Variants in CATIP observed in about 807,000 individuals in gnomAD.
The protein encoded by CATIP is ciliogenesis associated TTC17 interacting protein, also known as ciliogenesis-associated TTC17-interacting protein.
Under a neutral mutation model 42.5 loss-of-function variants are expected in CATIP, and 40 were observed. The ratio of observed to expected loss-of-function variants is 0.94; its 90% CI spans 0.73 to 1.22. The LOEUF (loss-of-function observed/expected upper bound fraction) is 1.22, where lower values mean the gene tolerates loss of function less well. Ranked by LOEUF, CATIP falls within the 50% of genes most tolerant of loss-of-function variation. The pLI is 0.00. For synonymous variants in CATIP, 222 were observed against 200.2 expected (o/e 1.11, Z -0.92); for missense variants, 489 against 496.0 (o/e 0.99, Z 0.13).
rs761985175 is a variant in CATIP, at chr2:218,367,877, G to A, written c.1077G>A (p.Pro359=). ...EFFGPFDPWR[P]SSPALGSSHR... The stretch of plus-strand genomic sequence containing the variant: ...TCGGCCCCTTCGACCCGTGGCGTCC[G>A]TCGTCACCGGCCTTGGGCTCCTCCC... The change falls in exon 10 of 10, where the codon CCG becomes CCA. Residue 359 remains proline, a synonymous_variant. Coordinates refer to ENST00000289388, the MANE Select transcript of CATIP (RefSeq NM_198559.2). 2.5e-6 allele frequency: 4 copies of A among 1,612,724 alleles called. No homozygotes were observed. Among genetic ancestry groups the A allele is most frequent in the Non-Finnish European group, 3.4e-6 (4 of 1,179,864 alleles).
At chr2:218,363,402 C>T (rs1188275169) in intron 6 of CATIP, among the ~76,000 whole-genome samples, 2 of 149,804 alleles carry the variant, frequency 1.3e-5, no homozygotes, top group East Asian at 2.0e-4. Context: ...AGGAGAATGG[C>T]GTGAACCCGG....
intron 4 of CATIP, among the ~76,000 whole-genome samples, chr2:218,359,781 G>A (rs1197730666): frequency 6.7e-6 from 1 of 149,842 alleles, no homozygotes; most frequent in Non-Finnish European, 1.5e-5. Flanking sequence ...TGTATGAAAG[G>A]TGTTTTTTGG....
At chr2:218,364,867 C>T in intron 7 of CATIP, 115 bp downstream of exon 7, 1 of 1,185,732 alleles carries the variant, frequency 8.4e-7, no homozygotes, top group Non-Finnish European at 1.2e-6. Flanking sequence ...AGGAGTGTCC[C>T]TCCGCTTTAT....
intron 3 of CATIP, 105 bp downstream of exon 3, chr2:218,357,839 TG>T: frequency 1.5e-6 from 2 of 1,335,762 alleles, no homozygotes; most frequent in Non-Finnish European, 2.1e-6. Context: ...GGCTTTGCCT[TG>T]GACCAGGACA....
In CATIP at chr2:218,367,187, C is replaced by T. The variant is rs113129046; in HGVS notation, c.832+87C>T. The T allele has an allele frequency of 4.5e-4, 468 of 1,042,216 alleles. 5 individuals carry two copies. The African/African-American group carries it at 6.4e-3, about 14-fold the overall frequency. The allele number at this position is 1,042,216 out of a possible 1,614,324, so 64.6% of individuals were successfully genotyped here. On this transcript the variant is annotated intron_variant, in intron 8 of 9. Coordinates refer to ENST00000289388, the MANE Select transcript of CATIP (RefSeq NM_198559.2). Reference sequence around the variant, plus strand: ...CTTCCAGGATGCAGGGGGCTGGACCCAGTGTGCTGTAAACGGGACAGGAGC... The same window carrying T: ...CTTCCAGGATGCAGGGGGCTGGACCTAGTGTGCTGTAAACGGGACAGGAGC...
chr2:218,366,266 G>A (rs2106318579), intron 7 of CATIP: 1 of 152,172 alleles, frequency 6.6e-6, no homozygotes, highest in South Asian at 2.1e-4. Flanking sequence ...TGGGATTACA[G>A]GCGCCCACCA....
rs543669420 is a variant in CATIP at position 218,360,676 on chromosome 2, G to A, written c.462+17G>A. On this transcript the variant is annotated intron_variant, in intron 5 of 9. Transcript: ENST00000289388. ...GAGGGTGAGGTAAGGATGAGAGCCA[G>A]ATGGGAGTTGCACTACACACTGTGA... The A allele has an allele frequency of 2.1e-5, 34 of 1,584,756 alleles. No homozygotes were observed. The highest frequency in any genetic ancestry group is 5.0e-5 in the Admixed American group (3 of 59,820).
chr2:218,365,786 C>A (rs1559106607), intron 7 of CATIP: 1 of 151,488 alleles, frequency 6.6e-6, no homozygotes, highest in Non-Finnish European at 1.5e-5. Flanking sequence ...TTCTTTCTTT[C>A]TCCTTCCTTC....
chr2:218,363,854 G>C (rs1559105313), intron 6 of CATIP, among the ~76,000 whole-genome samples: 1 of 152,156 alleles, frequency 6.6e-6, no homozygotes, highest in African/African-American at 2.4e-5. Flanking sequence ...ACTTTAGGAA[G>C]TGTAACATGT....
chr2:218,357,807 C>T, intron 3 of CATIP, 73 bp downstream of exon 3: 2 of 1,493,020 alleles, frequency 1.3e-6, no homozygotes, highest in South Asian at 2.3e-5. Flanking sequence ...TTCCTAGAAT[C>T]TTTTTTCAGG....
rs200618385 is a variant in CATIP, at chr2:218,362,875, C to T, written c.603C>T (p.Thr201=). Residue 201 remains threonine (T), a synonymous_variant, in exon 6 of 10, where the codon ACC becomes ACT. Transcript: ENST00000289388. ...ATGCCCGCTTCCTGACCTTGGACAC[C>T]GAGGGCAAACTCTGCTATTTGACCT... is the stretch of plus-strand genomic sequence containing the variant. ...PSNARFLTLD[T]EGKLCYLTYQ... 2.4e-5 allele frequency: 38 copies of T among 1,613,514 alleles called. No individual in the cohort carries two copies. The highest frequency in any genetic ancestry group is 2.1e-4 in the African/African-American group (16 of 74,918).
chr2:218,361,687 T>C (rs1236868530), intron 5 of CATIP, among the ~76,000 whole-genome samples: 3 of 152,206 alleles, frequency 2.0e-5, no homozygotes, highest in African/African-American at 4.8e-5. Context: ...GAGGGAGTTA[T>C]ATAGCTTTTT....
rs1275167955 is a variant in CATIP at position 218,357,406 on chromosome 2, A to G, written c.119-128A>G. On this transcript the variant is annotated intron_variant, in intron 2 of 9. Coordinates refer to ENST00000289388, the MANE Select transcript of CATIP (RefSeq NM_198559.2). ...GCAGGAGTCTTCACCTGTCCGTGCC[A>G]GTGAGGAAGGCTGTGGGATGAGGAG... The G allele has an allele frequency of 8.6e-6, 7 of 812,252 alleles. No homozygotes were observed. The East Asian group carries it at 1.8e-4, about 21-fold the overall frequency. 50.3% of individuals were successfully genotyped at this position (812,252 alleles called of 1,614,324 possible).
rs761263899 is a variant in CATIP at position 218,358,060 on chromosome 2, C to T, written c.343C>T (p.Leu115Phe). The T allele has an allele frequency of 2.5e-6, 4 of 1,614,016 alleles. No homozygotes were observed. In the Admixed American group the frequency reaches 6.7e-5, roughly 27 times the overall value. ...LLGYLSEKLE[L>F]MEQHSQDFIK... ...AGGCTATCTCTCAGAGAAGCTGGAG[C>T]TCATGGAACAGCACAGCCAAGACTT... Residue 115 changes from leucine (L) to phenylalanine (F), a missense_variant, in exon 4 of 10, where the codon CTC (leucine) becomes TTC (phenylalanine). Transcript: ENST00000289388.
Position 218,364,748 on chromosome 2 carries a change from G to A in CATIP, c.751G>A (p.Asp251Asn), listed in dbSNP as rs566817286. 29 of 1,612,572 alleles carry A rather than the reference G, an allele frequency of 1.8e-5. No individual in the cohort carries two copies. In the Middle Eastern group the frequency reaches 8.3e-4, roughly 46 times the overall value. The change falls in exon 7 of 10, where the codon GAT becomes AAT. Residue 251 changes from aspartate to asparagine, a missense_variant. Coordinates refer to ENST00000289388, the MANE Select transcript of CATIP (RefSeq NM_198559.2). ...PMSCQYYLLS[D>N]GHLAKRIQVG... The stretch of plus-strand genomic sequence containing the variant: ...GTCCTGCCAGTACTACCTGCTCTCC[G>A]ATGGGTGAGCTGCTGATGGTGGGCC...
chr2:218,363,443 G>A (rs552192224), intron 6 of CATIP, among the ~76,000 whole-genome samples: 266 of 146,680 alleles, frequency 1.8e-3, no homozygotes, highest in Non-Finnish European at 3.3e-3. Flanking sequence ...CCGAGATCGC[G>A]CCACTGCACT....
chr2:218,361,658 T>C (rs2106312921), intron 5 of CATIP, among the ~76,000 whole-genome samples: 1 of 152,286 alleles, frequency 6.6e-6, no homozygotes, highest in East Asian at 1.9e-4. Flanking sequence ...CACAAGGAAT[T>C]TCCTTGTGGG....
intron 5 of CATIP, among the ~76,000 whole-genome samples, chr2:218,362,304 G>A (rs975982732): frequency 7.0e-6 from 1 of 143,788 alleles, no homozygotes; most frequent in African/African-American, 2.6e-5. Flanking sequence ...AGTGAGCTGA[G>A]ATCGCACCAC....
In CATIP at chr2:218,362,877, A is replaced by T. The variant is rs776089397; in HGVS notation, c.605A>T (p.Glu202Val). The T allele has an allele frequency of 6.2e-7, 1 of 1,613,682 alleles. No homozygotes were observed. The highest frequency in any genetic ancestry group is 8.5e-7 in the Non-Finnish European group (1 of 1,179,878). ...SNARFLTLDT[E>V]GKLCYLTYQN... ...GCCCGCTTCCTGACCTTGGACACCG[A>T]GGGCAAACTCTGCTATTTGACCTAT... Residue 202 changes from glutamate to valine, a missense_variant, in exon 6 of 10, where the codon GAG becomes GTG. Glu to Val is a moderately radical substitution (Grantham distance 121). Coordinates refer to ENST00000289388, the MANE Select transcript of CATIP (RefSeq NM_198559.2).
Sources: gnomAD v4.1 joint callset for allele counts (sites outside exome capture counted in the v4.1 genomes callset) on GRCh38, gnomAD v4.1.1 for gene constraint, MANE v1.5 for transcripts, NCBI Gene and HGNC (gene_info 2026-07-23, HGNC 2026-07-21) for gene names.